Variants in GNG7 observed in about 807,000 individuals in gnomAD.
GNG7 encodes G protein subunit gamma 7, also known as guanine nucleotide-binding protein G(I)/G(S)/G(O) subunit gamma-7.
A neutral mutation model predicts 4.0 loss-of-function variants in GNG7; 1 was observed. The observed-to-expected ratio is 0.25, with a 90% confidence interval of 0.09 to 1.18. The LOEUF (loss-of-function observed/expected upper bound fraction) is 1.18, where lower values mean the gene tolerates loss of function less well. Among genes scored for constraint, GNG7 ranks in the 50% most tolerant of loss-of-function variants. GNG7 has a pLI of 0.50. For missense variants in GNG7, 86 were observed against 91.9 expected (o/e 0.94, Z 0.26); for synonymous variants, 34 against 36.9 (o/e 0.92, Z 0.29).
intron 1 of GNG7, among the ~76,000 whole-genome samples, chr19:2,661,663 A>G: frequency 7.5e-6 from 1 of 132,470 alleles, no homozygotes; most frequent in Non-Finnish European, 1.6e-5. Context: ...ACAAAGTGAG[A>G]CTCCATTAAA....
chr19:2,550,657 A>G (rs568959800), intron 3 of GNG7, among the ~76,000 whole-genome samples: 1 of 152,278 alleles, frequency 6.6e-6, no homozygotes, highest in African/African-American at 2.4e-5. Context: ...AGGGACCACC[A>G]GCTGCTCTGT....
In GNG7 at chr19:2,696,292, GAGAAAGAAAGAAAGAA is replaced by G. The variant is rs796306243; in HGVS notation, c.-135+6338_-135+6353del. Among the ~76,000 whole-genome samples, 974 of 108,596 alleles carry G rather than the reference GAGAAAGAAAGAAAGAA, an allele frequency of 9.0e-3. 7 individuals carry two copies. The highest frequency in any genetic ancestry group is 0.036 in the Middle Eastern group (8 of 222). The allele number at this position is 108,596 out of a possible 152,430, so 71.2% of individuals were successfully genotyped here. ...AAGGAGAGAAAGAAAAAGAGAGAGA[GAGAAAGAAAGAAAGAA>G]AGAAAGAAAGAAAGAAAGAAAGAAA... On this transcript the variant is annotated intron_variant, in intron 1 of 4. Transcript: ENST00000382159.
In GNG7 at chr19:2,633,708, C is replaced by T. The variant is rs895514749; in HGVS notation, c.-78+12516G>A. Among the ~76,000 whole-genome samples the T allele has an allele frequency of 3.3e-5, 5 of 151,962 alleles. No homozygotes were observed. Among genetic ancestry groups the T allele is most frequent in the South Asian group, 2.1e-4 (1 of 4,816 alleles). On this transcript the variant is annotated intron_variant, in intron 2 of 4. Transcript: ENST00000382159. This position sits in a 1 kb window ranked among gnomAD's most constrained non-coding sequence, Gnocchi z 5.9. ...GGCTTGAAAACGGGTGTCTGTTTAC[C>T]GGGGCTTGAGTGGGAGCTGTAGTAA... is the stretch of plus-strand genomic sequence containing the variant.
chr19:2,563,110 A>G (rs994461551), intron 2 of GNG7, among the ~76,000 whole-genome samples: 2 of 151,282 alleles, frequency 1.3e-5, no homozygotes, highest in Non-Finnish European at 3.0e-5. Flanking sequence ...ACGCCCAGCT[A>G]ATTTTTTTTT....
intron 3 of GNG7, among the ~76,000 whole-genome samples, chr19:2,530,836 G>C (rs1489512832): frequency 6.6e-6 from 1 of 152,202 alleles, no homozygotes; most frequent in Non-Finnish European, 1.5e-5. Flanking sequence ...AGAGAGCCTG[G>C]GTTTGGGGTC....
chr19:2,610,758 G>A (rs1221638108), intron 2 of GNG7: 1 of 152,192 alleles, frequency 6.6e-6, no homozygotes, highest in Middle Eastern at 3.4e-3. Flanking sequence ...TGGGATTGCA[G>A]GCACAAGAGA....
intron 4 of GNG7, among the ~76,000 whole-genome samples, chr19:2,516,435 G>A (rs1972736295): frequency 6.6e-6 from 1 of 152,006 alleles, no homozygotes; most frequent in African/African-American, 2.4e-5. Context: ...TGTTGGCCAG[G>A]CTGGTCTCAA....
Position 2,557,244 on chromosome 19 carries a change from TGC to T in GNG7, c.-77-2058_-77-2057del, listed in dbSNP as rs1491393016. ...ACACATGCACACACAGACGCACATG[TGC>T]ACACACACGTGCACACACATTTGCA... On this transcript the variant is annotated intron_variant, in intron 2 of 4. Coordinates refer to ENST00000382159, the MANE Select transcript of GNG7 (RefSeq NM_052847.3). This position sits in a 1 kb window ranked among gnomAD's most constrained non-coding sequence, Gnocchi z 5.1. 1.3e-5 allele frequency among the ~76,000 whole-genome samples: 2 copies of T among 149,260 alleles called. No individual in the cohort carries two copies. Among genetic ancestry groups the T allele is most frequent in the Admixed American group, 6.6e-5 (1 of 15,044 alleles).
rs549319507 is a variant in GNG7 at position 2,682,476 on chromosome 19, A to T, written c.-135+20170T>A. 2.0e-4 allele frequency among the ~76,000 whole-genome samples: 30 copies of T among 151,372 alleles called. No individual in the cohort carries two copies. The South Asian group carries it at 6.3e-3, about 32-fold the overall frequency. ...TCAGGAGTTCGAGACCAGCCTGGCC[A>T]ACATAGCGAAACCCCGTCTCTACTA... On this transcript the variant is annotated intron_variant, in intron 1 of 4. Coordinates refer to ENST00000382159, the MANE Select transcript of GNG7 (RefSeq NM_052847.3).
chr19:2,538,185 G>A lies in GNG7; in HGVS notation c.-38+16964C>T, dbSNP rs139317304. On this transcript the variant is annotated intron_variant, in intron 3 of 4. Transcript: ENST00000382159. The stretch of plus-strand genomic sequence containing the variant: ...GGATGGTAAACTGGTATCTTCTGAC[G>A]ATGATGACTTTATTGTAAAAAGAGA... 1.0e-3 allele frequency: 479 copies of A among 456,698 alleles called. 5 individuals carry two copies. The East Asian group carries it at 0.029, about 27-fold the overall frequency. 28.3% of individuals were successfully genotyped at this position (456,698 alleles called of 1,614,324 possible).
chr19:2,696,132 G>A lies in GNG7; in HGVS notation c.-135+6514C>T, dbSNP rs535101782. 4.2e-3 allele frequency among the ~76,000 whole-genome samples: 637 copies of A among 150,480 alleles called. 8 individuals carry two copies. The highest frequency in any genetic ancestry group is 0.014 in the African/African-American group (585 of 40,832). On this transcript the variant is annotated intron_variant, in intron 1 of 4. Coordinates refer to ENST00000382159, the MANE Select transcript of GNG7 (RefSeq NM_052847.3). ...AGATTGCACCACTGCACTCCAGCCC[G>A]GGAGACAGAGCAAGACTCCGTCAAA...
intron 2 of GNG7, among the ~76,000 whole-genome samples, chr19:2,573,738 G>A (rs568568008): frequency 6.7e-4 from 102 of 152,288 alleles, no homozygotes; most frequent in African/African-American, 2.4e-3. Flanking sequence ...AGCTACTCGG[G>A]AGGCTGAGGC....
chr19:2,552,205 T>A (rs1247976100), intron 3 of GNG7, among the ~76,000 whole-genome samples: 2 of 151,778 alleles, frequency 1.3e-5, no homozygotes. Context: ...ATACAAAAAA[T>A]CAGCCGGAAA....
intron 2 of GNG7, among the ~76,000 whole-genome samples, chr19:2,624,298 G>A (rs1465399008): frequency 6.6e-6 from 1 of 152,108 alleles, no homozygotes; most frequent in Non-Finnish European, 1.5e-5. Context: ...GGGAGGCCGA[G>A]GTGGAAGGAT....
chr19:2,592,354 A>C (rs2144802360), intron 2 of GNG7, among the ~76,000 whole-genome samples: 1 of 152,310 alleles, frequency 6.6e-6, no homozygotes, highest in Admixed American at 6.5e-5. Context: ...TGCTCCTTCT[A>C]TCACAGCATT....
At chr19:2,593,074 A>T (rs1212232669) in intron 2 of GNG7, among the ~76,000 whole-genome samples, 1 of 151,994 alleles carries the variant, frequency 6.6e-6, no homozygotes, top group Non-Finnish European at 1.5e-5. Context: ...GAGGGAGGAA[A>T]AAAAAAGAAA....
chr19:2,666,698 A>G (rs1983320512), intron 1 of GNG7, among the ~76,000 whole-genome samples: 1 of 152,204 alleles, frequency 6.6e-6, no homozygotes, highest in Non-Finnish European at 1.5e-5. Flanking sequence ...CTTACGGAAC[A>G]TATGTTCTCT....
At chr19:2,607,240 A>C (rs1981414262) in intron 2 of GNG7, among the ~76,000 whole-genome samples, 2 of 144,110 alleles carry the variant, frequency 1.4e-5, no homozygotes, top group Admixed American at 1.4e-4. Flanking sequence ...AAAGAAGGCC[A>C]GGTGTGGTGG....
At chr19:2,535,962 C>T (rs969841858) in intron 3 of GNG7, among the ~76,000 whole-genome samples, 7 of 151,584 alleles carry the variant, frequency 4.6e-5, no homozygotes, top group Admixed American at 2.6e-4. Flanking sequence ...CCCACCTGTA[C>T]AAAAATAAGA....
Sources: gnomAD v4.1 joint callset for allele counts (sites outside exome capture counted in the v4.1 genomes callset) on GRCh38, gnomAD v4.1.1 for gene constraint, Gnocchi (gnomAD v3.1) non-coding constraint, MANE v1.5 for transcripts, NCBI Gene and HGNC (gene_info 2026-07-23, HGNC 2026-07-21) for gene names.